The following CAB39 variants were observed in gnomAD, a reference collection of about 807,000 sequenced individuals.
The protein encoded by CAB39 is calcium-binding protein 39.
A neutral mutation model predicts 40.0 loss-of-function variants in CAB39; 8 were observed. The observed-to-expected ratio is 0.20, with a 90% CI of 0.12 to 0.36. CAB39 has a LOEUF of 0.36. Ranked by LOEUF, CAB39 falls within the 10% of genes least tolerant of loss-of-function variation. The pLI, the probability that CAB39 is intolerant of heterozygous loss-of-function variation, is 1.00. For synonymous variants in CAB39, 156 were observed against 141.6 expected, an observed-to-expected ratio of 1.10 and a Z score of -0.72; for missense variants, 270 against 401.1, an observed-to-expected ratio of 0.67 and a Z score of 2.79.
At chr2:230,790,514 C>A (rs1395404348) in intron 2 of CAB39, among the ~76,000 whole-genome samples, 3 of 152,190 alleles carry the variant, frequency 2.0e-5, no homozygotes, top group Admixed American at 2.0e-4. Flanking sequence ...TTGTCAGAAT[C>A]TCTTCATTCT....
intron 1 of CAB39, among the ~76,000 whole-genome samples, chr2:230,748,854 A>C (rs1695034633): frequency 8.1e-6 from 1 of 123,452 alleles, no homozygotes; most frequent in African/African-American, 2.9e-5. Context: ...ATATATATAT[A>C]TATATATATA....
At chr2:230,785,943 T>A (rs1695782639) in intron 2 of CAB39, among the ~76,000 whole-genome samples, 1 of 150,808 alleles carries the variant, frequency 6.6e-6, no homozygotes, top group African/African-American at 2.4e-5. Context: ...GGCAGGCGGA[T>A]CACAAGGTCA....
chr2:230,746,540 A>G (rs1275864985), intron 1 of CAB39, among the ~76,000 whole-genome samples: 1 of 152,218 alleles, frequency 6.6e-6, no homozygotes, highest in African/African-American at 2.4e-5. Flanking sequence ...TTTAGTCACA[A>G]TATTGCCAGG....
At position 230,813,472 on chromosome 2, in the gene CAB39, A is replaced by G. The variant is rs143675002; in HGVS notation, c.628-577A>G. Among the ~76,000 whole-genome samples, 90 of 152,236 alleles carry G rather than the reference A, an allele frequency of 5.9e-4. 1 individual carries two copies. In the East Asian group the frequency reaches 6.4e-3, roughly 11 times the overall value. On this transcript the variant is annotated intron_variant, in intron 6 of 8. Transcript: ENST00000258418. ...CTGAGTGAAATCCCTCCCATCCGAC[A>G]GGTCTGAGACTAAGCCCCACCTTCG...
At chr2:230,782,965 A>G (rs1417147380) in intron 2 of CAB39, among the ~76,000 whole-genome samples, 1 of 139,258 alleles carries the variant, frequency 7.2e-6, no homozygotes, top group Non-Finnish European at 1.6e-5. Context: ...GGCGCTGACC[A>G]CCACGCCTGG....
intron 5 of CAB39, among the ~76,000 whole-genome samples, chr2:230,803,554 A>G (rs566472149): frequency 6.6e-6 from 1 of 152,242 alleles, no homozygotes; most frequent in Non-Finnish European, 1.5e-5. Context: ...CAACTTCAGC[A>G]AAGTCTCAGG....
At chr2:230,814,279 C>A (rs1235036585) in intron 7 of CAB39, among the ~76,000 whole-genome samples, 165 bp downstream of exon 7, 1 of 152,000 alleles carries the variant, frequency 6.6e-6, no homozygotes, top group Non-Finnish European at 1.5e-5. Flanking sequence ...GGACAGTGAT[C>A]CATGTGGAGC....
intron 2 of CAB39, among the ~76,000 whole-genome samples, chr2:230,789,289 A>G (rs908705829): frequency 2.0e-5 from 3 of 152,164 alleles, no homozygotes; most frequent in South Asian, 2.1e-4. Flanking sequence ...AACTATTTGT[A>G]GTTGTAGTAA....
intron 2 of CAB39, among the ~76,000 whole-genome samples, chr2:230,773,259 A>G (rs533500767): frequency 6.6e-6 from 1 of 151,446 alleles, no homozygotes; most frequent in South Asian, 2.1e-4. Flanking sequence ...TGGTGGTTAC[A>G]GAGGTGTTCA....
intron 7 of CAB39, among the ~76,000 whole-genome samples, chr2:230,814,689 A>T (rs570166099): frequency 5.3e-5 from 8 of 152,306 alleles, no homozygotes; most frequent in Admixed American, 5.2e-4. Flanking sequence ...ATTTATTTAC[A>T]TATTGTCTGT....
chr2:230,801,369 C>T (rs1696086650), intron 5 of CAB39, among the ~76,000 whole-genome samples: 4 of 152,188 alleles, frequency 2.6e-5, no homozygotes, highest in Admixed American at 2.6e-4. Context: ...AGGAGGGACA[C>T]GTTGCTGCTC....
At chr2:230,750,523 A>C (rs901336293) in intron 1 of CAB39, among the ~76,000 whole-genome samples, 1 of 152,178 alleles carries the variant, frequency 6.6e-6, no homozygotes, top group African/African-American at 2.4e-5. Flanking sequence ...ACTGCTTCTT[A>C]AAGCTACTCT....
chr2:230,748,440 A>G (rs1415935278), intron 1 of CAB39, among the ~76,000 whole-genome samples: 2 of 152,080 alleles, frequency 1.3e-5, no homozygotes, highest in Non-Finnish European at 2.9e-5. Flanking sequence ...CCTCTATGAA[A>G]TTCCCCATCA....
In CAB39 at chr2:230,778,711, C is replaced by T. The variant is rs139599585; in HGVS notation, c.115-12161C>T. ...GACTCTATCCTTAAAAATTTGAAGT[C>T]CTGTTACACGTTACTTAACAACAGG... is the stretch of plus-strand genomic sequence containing the variant. On this transcript the variant is annotated intron_variant, in intron 2 of 8. Coordinates refer to ENST00000258418, the MANE Select transcript of CAB39 (RefSeq NM_016289.4). Among the ~76,000 whole-genome samples the T allele has an allele frequency of 2.3e-3, 354 of 152,242 alleles. 1 individual carries two copies. The highest frequency in any genetic ancestry group is 8.2e-3 in the African/African-American group (339 of 41,542).
rs1206160543 is a variant in CAB39 at position 230,819,781 on chromosome 2, A to G, written c.*1077A>G. On this transcript the variant is annotated 3_prime_UTR_variant, in exon 9 of 9. Transcript: ENST00000258418. ...CACCTTCCTGCATCCTATTGGCCTT[A>G]TTCATTTTAAATGAGTTAATGAATC... is the stretch of plus-strand genomic sequence containing the variant. 1.3e-5 allele frequency: 2 copies of G among 152,320 alleles called. No individual in the cohort carries two copies. Among genetic ancestry groups the G allele is most frequent in the African/African-American group, 2.4e-5 (1 of 41,448 alleles). 9.4% of individuals were successfully genotyped at this position (152,320 alleles called of 1,614,324 possible).
At chr2:230,743,353 G>T (rs760366686) in intron 1 of CAB39, among the ~76,000 whole-genome samples, 1 of 152,166 alleles carries the variant, frequency 6.6e-6, no homozygotes, top group Non-Finnish European at 1.5e-5. Flanking sequence ...TCTTTTTGCT[G>T]AAATAGTTAA....
chr2:230,739,722 G>C (rs566274866), intron 1 of CAB39, among the ~76,000 whole-genome samples: 1 of 152,308 alleles, frequency 6.6e-6, no homozygotes, highest in African/African-American at 2.4e-5. Flanking sequence ...TTGAACTCCC[G>C]ACCTCGGGTG....
At chr2:230,733,721 A>G (rs1427732997) in intron 1 of CAB39, among the ~76,000 whole-genome samples, 1 of 152,186 alleles carries the variant, frequency 6.6e-6, no homozygotes, top group Non-Finnish European at 1.5e-5. Context: ...GTATTCCTAT[A>G]CTTACATATT....
chr2:230,811,093 C>G (rs888695285), intron 6 of CAB39, among the ~76,000 whole-genome samples: 1 of 152,194 alleles, frequency 6.6e-6, no homozygotes, highest in South Asian at 2.1e-4. Context: ...GTCGAAGATT[C>G]TGATAGGTAC....
Sources: allele counts gnomAD v4.1 joint callset (sites outside exome capture counted in the v4.1 genomes callset), GRCh38; gene constraint gnomAD v4.1.1; transcripts MANE v1.5; gene names NCBI Gene and HGNC (gene_info 2026-07-23, HGNC 2026-07-21).